The following MAPK8IP1 variants were observed in gnomAD, a reference collection of about 807,000 sequenced individuals.
MAPK8IP1 encodes C-Jun-amino-terminal kinase-interacting protein 1.
A neutral mutation model predicts 72.6 loss-of-function variants in MAPK8IP1; 17 were observed. That is an observed-to-expected ratio of 0.23 (90% CI 0.16 to 0.35). MAPK8IP1 has a LOEUF of 0.35. Ranked by LOEUF, MAPK8IP1 falls within the 10% of genes least tolerant of loss-of-function variation. The pLI, the probability that MAPK8IP1 is intolerant of heterozygous loss-of-function variation, is 1.00. For missense variants in MAPK8IP1, 789 were observed against 1,009.7 expected (o/e 0.78, Z 2.96); for synonymous variants, 401 against 443.4 (o/e 0.90, Z 1.20).
chr11:45,905,141 G>A lies in MAPK8IP1; in HGVS notation c.1965-10G>A. 4 of 1,613,682 alleles carry A rather than the reference G, an allele frequency of 2.5e-6. No homozygotes were observed. The highest frequency in any genetic ancestry group is 3.4e-6 in the Non-Finnish European group (4 of 1,179,782). ...CCCCCGTCCCAGCACAGACAGACCT[G>A]TCCCTGCAGGTACTTTGGGTTCATC... On this transcript the variant is annotated splice_polypyrimidine_tract_variant and intron_variant, in intron 10 of 11. Transcript: ENST00000241014.
rs2086637290 is a variant in MAPK8IP1 at position 45,900,010 on chromosome 11, G to GGA, written c.208-127_208-126insAG. On this transcript the variant is annotated intron_variant, in intron 2 of 11. Transcript: ENST00000241014. This position sits in a 1 kb window ranked among gnomAD's most constrained non-coding sequence, Gnocchi z 6.5. ...GGGCGAGAGCGCCCCAGTCTCCGGC[G>GGA]GCCCCTGCTCGGCTCCCCTCGTGCC... 6.0e-6 allele frequency: 3 copies of GGA among 497,776 alleles called. No homozygotes were observed. The South Asian group carries it at 2.9e-4, about 48-fold the overall frequency. 30.8% of individuals were successfully genotyped at this position (497,776 alleles called of 1,614,324 possible).
At chr11:45,899,851 G>A (rs2086635659) in intron 2 of MAPK8IP1, among the ~76,000 whole-genome samples, 2 of 152,164 alleles carry the variant, frequency 1.3e-5, no homozygotes, top group African/African-American at 2.4e-5. Flanking sequence ...TTACAACCCC[G>A]GTGAGGTCAC....
In MAPK8IP1 at chr11:45,885,933, C is replaced by G; in HGVS notation, c.101+12C>G. The G allele has an allele frequency of 2.7e-6, 4 of 1,461,304 alleles. No individual in the cohort carries two copies. Among genetic ancestry groups the G allele is most frequent in the Non-Finnish European group, 2.7e-6 (3 of 1,099,404 alleles). 90.5% of individuals were successfully genotyped at this position (1,461,304 alleles called of 1,614,324 possible). On this transcript the variant is annotated intron_variant, in intron 1 of 11. Transcript: ENST00000241014. ...CCTCCCAATTTCAGGTGAGAGTCCC[C>G]GGCCGCCGCGCGCCTCGCCCTTCAG... is the stretch of plus-strand genomic sequence containing the variant.
chr11:45,894,536 A>G lies in MAPK8IP1; in HGVS notation c.102-3549A>G, dbSNP rs142271868. On this transcript the variant is annotated intron_variant, in intron 1 of 11. Coordinates refer to ENST00000241014, the MANE Select transcript of MAPK8IP1 (RefSeq NM_005456.4). ...CTTGCCCCACCCAGACCTATTGTCCAAGGAAGTGGGAATATCAGGTGATGT... is the reference window on the plus strand; with the variant it reads ...CTTGCCCCACCCAGACCTATTGTCCGAGGAAGTGGGAATATCAGGTGATGT... Among the ~76,000 whole-genome samples the G allele has an allele frequency of 1.7e-3, 265 of 152,336 alleles. 1 individual carries two copies. The highest frequency in any genetic ancestry group is 6.2e-3 in the African/African-American group (258 of 41,580).
chr11:45,903,375 C>T lies in MAPK8IP1; in HGVS notation c.1428C>T (p.Ser476=). 6.2e-7 allele frequency: 1 copy of T among 1,613,800 alleles called. No individual in the cohort carries two copies. The highest frequency in any genetic ancestry group is 1.1e-5 in the South Asian group (1 of 91,066). ...CCACCTCACCTGCAGGTGCTGAGTC[C>T]TTCGGGCTGTTCTCCTGCATCATCA... The part of the protein sequence containing the change: ...SGRSRSSSAE[S]FGLFSCIING... The change falls in exon 6 of 12, where the codon TCC becomes TCT. Residue 476 remains serine, a synonymous_variant. Transcript: ENST00000241014. The surrounding 1 kb of genome is among the most constrained non-coding windows in gnomAD (Gnocchi z 6.4).
Position 45,905,789 on chromosome 11 carries a change from G to C in MAPK8IP1, c.*68G>C, listed in dbSNP as rs1349538249. 9 of 1,478,340 alleles carry C rather than the reference G, an allele frequency of 6.1e-6. No individual in the cohort carries two copies. The Admixed American group carries it at 1.5e-4, about 25-fold the overall frequency. 91.6% of individuals were successfully genotyped at this position (1,478,340 alleles called of 1,614,324 possible). On this transcript the variant is annotated 3_prime_UTR_variant, in exon 12 of 12. Coordinates refer to ENST00000241014, the MANE Select transcript of MAPK8IP1 (RefSeq NM_005456.4). ...TGCCAGGACAGCTGGCTGCTGACAG[G>C]ATGTGGCACTGCTTGAGGAGGGGCA... is the stretch of plus-strand genomic sequence containing the variant.
intron 1 of MAPK8IP1, among the ~76,000 whole-genome samples, chr11:45,895,918 C>G (rs2086601565): frequency 6.6e-6 from 1 of 152,054 alleles, no homozygotes; most frequent in Non-Finnish European, 1.5e-5. Context: ...GCCCTCCTCC[C>G]CACTTCCACC....
intron 1 of MAPK8IP1, among the ~76,000 whole-genome samples, chr11:45,894,608 CA>C (rs1429678772): frequency 6.6e-6 from 1 of 152,160 alleles, no homozygotes; most frequent in African/African-American, 2.4e-5. Flanking sequence ...AGGTCTAAGC[CA>C]GACCCTGCAG....
intron 11 of MAPK8IP1, 91 bp downstream of exon 11, chr11:45,905,340 C>T (rs1431722465): frequency 1.1e-5 from 13 of 1,197,630 alleles, no homozygotes; most frequent in East Asian, 2.5e-5. Context: ...CTTTGCCCCT[C>T]GGTTTCCCCC....
chr11:45,888,272 A>C (rs2086542494), intron 1 of MAPK8IP1, among the ~76,000 whole-genome samples: 1 of 152,188 alleles, frequency 6.6e-6, no homozygotes, highest in South Asian at 2.1e-4. Flanking sequence ...CGGGATAGTT[A>C]CTCAATAACA....
chr11:45,905,138 C>G lies in MAPK8IP1; in HGVS notation c.1965-13C>G. ...GAGCCCCCGTCCCAGCACAGACAGA[C>G]CTGTCCCTGCAGGTACTTTGGGTTC... On this transcript the variant is annotated splice_polypyrimidine_tract_variant and intron_variant, in intron 10 of 11. Coordinates refer to ENST00000241014, the MANE Select transcript of MAPK8IP1 (RefSeq NM_005456.4). 3 of 1,612,748 alleles carry G rather than the reference C, an allele frequency of 1.9e-6. No homozygotes were observed. Among genetic ancestry groups the G allele is most frequent in the Non-Finnish European group, 2.5e-6 (3 of 1,178,926 alleles).
intron 1 of MAPK8IP1, among the ~76,000 whole-genome samples, chr11:45,886,415 G>T (rs1845330123): frequency 6.6e-6 from 1 of 152,236 alleles, no homozygotes; most frequent in Admixed American, 6.5e-5. Context: ...TACCTGCCAG[G>T]CCTGGCGTGG....
chr11:45,896,738 G>A, intron 1 of MAPK8IP1: 4 of 1,464,894 alleles, frequency 2.7e-6, no homozygotes, highest in Admixed American at 2.7e-5. Flanking sequence ...GGCTTCTGCA[G>A]CAGGCAGGAC....
In MAPK8IP1 at chr11:45,902,265, C is replaced by G; in HGVS notation, c.605-107C>G. ...CAGAGCCTGCGAAGGGCCTGTTGCC[C>G]AGGGAGGCTTTGTCTTGGTTTCTGT... is the stretch of plus-strand genomic sequence containing the variant. On this transcript the variant is annotated intron_variant, in intron 4 of 11. Coordinates refer to ENST00000241014, the MANE Select transcript of MAPK8IP1 (RefSeq NM_005456.4). This position sits in a 1 kb window ranked among gnomAD's most constrained non-coding sequence, Gnocchi z 9.3. 9.1e-7 allele frequency: 1 copy of G among 1,098,368 alleles called. No individual in the cohort carries two copies. Among genetic ancestry groups the G allele is most frequent in the Non-Finnish European group, 1.4e-6 (1 of 733,366 alleles). The allele number at this position is 1,098,368 out of a possible 1,614,324, so 68.0% of individuals were successfully genotyped here. A position where few individuals can be genotyped will look rare whatever the true frequency, so the allele number is the denominator to read the frequency against.
chr11:45,904,515 A>C lies in MAPK8IP1; in HGVS notation c.1727A>C (p.Gln576Pro). ...QFRVKFLGSV[Q>P]VPYHKGNDVL... Reference sequence around the variant, plus strand: ...CGGGTGAAGTTCCTGGGCTCAGTCCAGGTTCCCTATCACAAGGGCAATGAC... The same window carrying C: ...CGGGTGAAGTTCCTGGGCTCAGTCCCGGTTCCCTATCACAAGGGCAATGAC... Residue 576 changes from glutamine (Q) to proline (P), a missense_variant, in exon 8 of 12, where the codon CAG (glutamine) becomes CCG (proline). This residue lies in a region of MAPK8IP1 where 188 missense variants were observed against 293.3 expected (regional missense o/e 0.64). Transcript: ENST00000241014. The surrounding 1 kb of genome is among the most constrained non-coding windows in gnomAD (Gnocchi z 6.4). 6.2e-7 allele frequency: 1 copy of C among 1,614,214 alleles called. No individual in the cohort carries two copies. The highest frequency in any genetic ancestry group is 1.7e-5 in the Admixed American group (1 of 60,022).
At chr11:45,894,040 C>T (rs1489298986) in intron 1 of MAPK8IP1, among the ~76,000 whole-genome samples, 5 of 152,190 alleles carry the variant, frequency 3.3e-5, no homozygotes, top group Admixed American at 3.3e-4. Context: ...CTCCTACTCA[C>T]ACAAATTCCA....
At chr11:45,892,912 G>A (rs566302934) in intron 1 of MAPK8IP1, among the ~76,000 whole-genome samples, 20 of 152,310 alleles carry the variant, frequency 1.3e-4, no homozygotes, top group South Asian at 6.2e-4. Flanking sequence ...AGGGTTGAGC[G>A]GCCAGTCAAC....
intron 1 of MAPK8IP1, 80 bp downstream of exon 1, chr11:45,886,001 C>A: frequency 1.1e-6 from 1 of 872,470 alleles, no homozygotes; most frequent in Non-Finnish European, 1.6e-6. Flanking sequence ...CCCCCCACCC[C>A]AGAACCTCGG....
chr11:45,903,135 C>T lies in MAPK8IP1; in HGVS notation c.1368C>T (p.Phe456=). 1.2e-6 allele frequency: 2 copies of T among 1,607,334 alleles called. No individual in the cohort carries two copies. Among genetic ancestry groups the T allele is most frequent in the Non-Finnish European group, 1.7e-6 (2 of 1,176,930 alleles). The change falls in exon 5 of 12, where the codon TTC becomes TTT. Residue 456 remains phenylalanine, a synonymous_variant. Transcript: ENST00000241014. The surrounding 1 kb of genome is among the most constrained non-coding windows in gnomAD (Gnocchi z 6.4). ...CGCCTGATGAACCCGACGTCCATTT[C>T]TCCAAGAAATTCCTGAACGTCTTCA... is the stretch of plus-strand genomic sequence containing the variant. ...DSTPDEPDVH[F]SKKFLNVFMS...
Sources: allele counts gnomAD v4.1 joint callset (sites outside exome capture counted in the v4.1 genomes callset), GRCh38; gene constraint gnomAD v4.1.1; regional missense constraint gnomAD v4.1.1; non-coding constraint Gnocchi (gnomAD v3.1); transcripts MANE v1.5; gene names NCBI Gene and HGNC (gene_info 2026-07-23, HGNC 2026-07-21).